The following ITPR1 variants were observed in gnomAD, a reference collection of about 807,000 sequenced individuals.
The protein encoded by ITPR1 is inositol 1,4,5-trisphosphate receptor type 1, also known as inositol 1,4,5-trisphosphate-gated calcium channel ITPR1.
Under a neutral mutation model 318.4 loss-of-function variants are expected in ITPR1, and 96 were observed. The observed-to-expected ratio is 0.30, with a 90% CI of 0.26 to 0.36. The LOEUF (loss-of-function observed/expected upper bound fraction) is 0.36. ITPR1 is among the 10% of genes least tolerant of loss of function. The pLI, the probability that ITPR1 is intolerant of heterozygous loss-of-function variation, is 1.00. For synonymous variants in ITPR1, 1,312 were observed against 1,289.9 expected, an observed-to-expected ratio of 1.02 and a Z score of -0.37; for missense variants, 2,440 against 3,460.2, an observed-to-expected ratio of 0.71 and a Z score of 7.40.
intron 36 of ITPR1, among the ~76,000 whole-genome samples, chr3:4,703,941 C>A (rs1310404863): frequency 6.6e-6 from 1 of 152,112 alleles, no homozygotes; most frequent in African/African-American, 2.4e-5. Flanking sequence ...TCCCAGATAA[C>A]CCTATACTTT....
rs2042454591 is a variant in ITPR1 at position 4,725,584 on chromosome 3, G to C, written c.5172+3G>C. On this transcript the variant is annotated splice_donor_region_variant and intron_variant, in intron 41 of 61. Coordinates refer to ENST00000649015, the MANE Select transcript of ITPR1 (RefSeq NM_001378452.1). The stretch of plus-strand genomic sequence containing the variant: ...CGGATTCTGAGAACGCCACTGAGGT[G>C]TGTTGCCCGCCTATATTTGTAGCGC... 1 of 1,598,724 alleles carries C rather than the reference G, an allele frequency of 6.3e-7. No individual in the cohort carries two copies.
intron 44 of ITPR1, among the ~76,000 whole-genome samples, chr3:4,761,102 C>T (rs1483759193): frequency 3.3e-5 from 5 of 152,138 alleles, no homozygotes; most frequent in Non-Finnish European, 7.4e-5. Context: ...TCACAACCCC[C>T]CACCCTCCAG....
chr3:4,666,450 T>C (rs1450672701), intron 17 of ITPR1, among the ~76,000 whole-genome samples: 1 of 152,212 alleles, frequency 6.6e-6, no homozygotes, highest in Non-Finnish European at 1.5e-5. Flanking sequence ...GTGGGGTGTG[T>C]CAAGACACTT....
At chr3:4,725,745 A>G (rs1438795826) in intron 41 of ITPR1, among the ~76,000 whole-genome samples, 164 bp downstream of exon 41, 1 of 152,058 alleles carries the variant, frequency 6.6e-6, no homozygotes, top group Non-Finnish European at 1.5e-5. Flanking sequence ...GCTGACGTGG[A>G]TGTGGCTCTC....
chr3:4,520,264 G>A (rs2082459157), intron 3 of ITPR1, among the ~76,000 whole-genome samples: 1 of 152,142 alleles, frequency 6.6e-6, no homozygotes, highest in Non-Finnish European at 1.5e-5. Flanking sequence ...TTTTTAAGTG[G>A]TTCTTCTAAA....
intron 55 of ITPR1, among the ~76,000 whole-genome samples, chr3:4,808,233 A>G (rs2048716846): frequency 6.6e-6 from 1 of 152,196 alleles, no homozygotes; most frequent in Non-Finnish European, 1.5e-5. Flanking sequence ...TTTGAGGTAG[A>G]TGGTATCTTC....
chr3:4,552,511 C>G (rs940230790), intron 4 of ITPR1, among the ~76,000 whole-genome samples: 2 of 152,166 alleles, frequency 1.3e-5, no homozygotes, highest in African/African-American at 2.4e-5. Context: ...AGGGTGAGGT[C>G]TGGAAGGGTC....
At chr3:4,768,328 G>A in intron 45 of ITPR1, 183 bp from the exon 46 acceptor site, 1 of 603,510 alleles carries the variant, frequency 1.7e-6, no homozygotes, top group Non-Finnish European at 2.8e-6. Context: ...AAGGTGGCAG[G>A]GCCTGGCTCG....
intron 2 of ITPR1, among the ~76,000 whole-genome samples, chr3:4,498,781 A>G (rs2080797854): frequency 1.3e-5 from 2 of 152,244 alleles, no homozygotes; most frequent in South Asian, 4.1e-4. Context: ...TAAGAACATA[A>G]TGATAATCCT....
At chr3:4,766,337 T>C (rs1350615852) in intron 44 of ITPR1, among the ~76,000 whole-genome samples, 193 bp from the exon 45 acceptor site, 1 of 152,202 alleles carries the variant, frequency 6.6e-6, no homozygotes, top group Non-Finnish European at 1.5e-5. Context: ...TTTCAAAGGC[T>C]CTGTGTTGAA....
At chr3:4,707,293 T>A (rs2094779254) in intron 37 of ITPR1, among the ~76,000 whole-genome samples, 1 of 152,216 alleles carries the variant, frequency 6.6e-6, no homozygotes, top group Non-Finnish European at 1.5e-5. Context: ...CTTAGAGTCT[T>A]TCATGGCGTT....
intron 26 of ITPR1, 77 bp from the exon 27 acceptor site, chr3:4,683,308 AG>A (rs2094334252): frequency 5.0e-6 from 7 of 1,400,440 alleles, no homozygotes; most frequent in Non-Finnish European, 7.1e-6. Flanking sequence ...CAACTAGGTT[AG>A]GTGCATCTGG....
At chr3:4,780,009 G>A (rs1008369312) in intron 49 of ITPR1, among the ~76,000 whole-genome samples, 1 of 151,876 alleles carries the variant, frequency 6.6e-6, no homozygotes, top group Admixed American at 6.6e-5. Flanking sequence ...TTCCCTCATG[G>A]GGGACAGTGT....
chr3:4,759,043 T>C (rs1266653261), intron 44 of ITPR1, among the ~76,000 whole-genome samples: 1 of 151,786 alleles, frequency 6.6e-6, no homozygotes, highest in Non-Finnish European at 1.5e-5. Context: ...AGAAAGGAGG[T>C]GGGTGTTATG....
intron 44 of ITPR1, among the ~76,000 whole-genome samples, chr3:4,762,316 C>T (rs10510297): frequency 0.29 from 43,849 of 152,070 alleles, 7,056 homozygotes; most frequent in Non-Finnish European, 0.37. Context: ...TGTTAGCTAT[C>T]GTGTTACTGT....
At chr3:4,584,343 T>C (rs1243621805) in intron 4 of ITPR1, among the ~76,000 whole-genome samples, 1 of 152,074 alleles carries the variant, frequency 6.6e-6, no homozygotes, top group African/African-American at 2.4e-5. Context: ...TTAGCCTAAG[T>C]TTTAAAGAGA....
At chr3:4,716,447 GA>G (rs2041770324) in intron 39 of ITPR1, among the ~76,000 whole-genome samples, 1 of 152,168 alleles carries the variant, frequency 6.6e-6, no homozygotes, top group African/African-American at 2.4e-5. Flanking sequence ...AATGTAAAAG[GA>G]TATCTTAGAA....
At chr3:4,551,648 C>T (rs1336208199) in intron 4 of ITPR1, among the ~76,000 whole-genome samples, 2 of 152,230 alleles carry the variant, frequency 1.3e-5, no homozygotes, top group Non-Finnish European at 2.9e-5. Context: ...AAACATCTGC[C>T]AAACCCTCAC....
rs2094279807 is a variant in ITPR1, at chr3:4,680,673, G to A, written c.3088G>A (p.Gly1030Arg). ...ETSSGNSSQE[G>R]PSNVPGALDF... ...ATCCTCCGGAAACAGCAGCCAAGAA[G>A]GGCCAAGTAATGTACCAGGTTAGTG... is the stretch of plus-strand genomic sequence containing the variant. The change falls in exon 25 of 62, where the codon GGG becomes AGG. Residue 1030 changes from glycine (G) to arginine (R), a missense_variant. By Grantham distance (125) the Gly-to-Arg change is moderately radical. Around this residue, in one of 23 missense-constraint regions of ITPR1, gnomAD observed 57 missense variants for 46.2 expected, o/e 1.23. Coordinates refer to ENST00000649015, the MANE Select transcript of ITPR1 (RefSeq NM_001378452.1). 2 of 1,612,516 alleles carry A rather than the reference G, an allele frequency of 1.2e-6. No homozygotes were observed. Among genetic ancestry groups the A allele is most frequent in the South Asian group, 1.1e-5 (1 of 90,948 alleles).
Sources: gnomAD v4.1 joint callset for allele counts (sites outside exome capture counted in the v4.1 genomes callset) on GRCh38, gnomAD v4.1.1 for gene constraint, gnomAD v4.1.1 regional missense constraint, MANE v1.5 for transcripts, NCBI Gene and HGNC (gene_info 2026-07-23, HGNC 2026-07-21) for gene names.